Variants in MKI67 observed in about 807,000 individuals in gnomAD.
MKI67 encodes marker of proliferation Ki-67, also known as proliferation marker protein Ki-67.
MKI67 carries 152 observed loss-of-function variants against 233.5 expected under a neutral mutation model. The observed-to-expected ratio is 0.65, with a 90% confidence interval of 0.57 to 0.74. MKI67 has a LOEUF of 0.74. Among genes scored for constraint, MKI67 ranks in the 30% least tolerant of loss-of-function variants. The pLI is 0.00. For synonymous variants in MKI67, 1,465 were observed against 1,418.5 expected, an observed-to-expected ratio of 1.03 and a Z score of -0.74; for missense variants, 3,940 against 3,885.2, an observed-to-expected ratio of 1.01 and a Z score of -0.37.
intron 13 of MKI67, 69 bp downstream of exon 13, chr10:128,102,510 C>T (rs183460381): frequency 1.3e-6 from 2 of 1,546,714 alleles, no homozygotes; most frequent in Admixed American, 1.8e-5. Context: ...AGGTTACATG[C>T]AAAGTATAAC....
rs1852424316 is a variant in MKI67 at position 128,104,442 on chromosome 10, A to G, written c.7398T>C (p.Ser2466=). 2 of 1,613,624 alleles carry G rather than the reference A, an allele frequency of 1.2e-6. No individual in the cohort carries two copies. Among genetic ancestry groups the G allele is most frequent in the Non-Finnish European group, 1.7e-6 (2 of 1,179,950 alleles). ...DDKITEVSCK[S]PQPESFKTSR... is the part of the protein sequence containing the mutation. ...AGGTTTTGAATGACTCTGGCTGTGG[A>G]GATTTACAGGATACTTCTGTGATTT... Residue 2466 remains serine, a synonymous_variant, in exon 13 of 15, where the codon TCT becomes TCC. Coordinates refer to ENST00000368654, the MANE Select transcript of MKI67 (RefSeq NM_002417.5).
chr10:128,100,881 T>C (rs1237721697), intron 14 of MKI67, among the ~76,000 whole-genome samples: 1 of 152,226 alleles, frequency 6.6e-6, no homozygotes, highest in Non-Finnish European at 1.5e-5. Context: ...CAATAGTTTT[T>C]TTTGGAAAAA....
chr10:128,101,224 G>C (rs1373432906), intron 14 of MKI67, 34 bp downstream of exon 14: 1 of 1,584,840 alleles, frequency 6.3e-7, no homozygotes, highest in African/African-American at 1.4e-5. Context: ...AACATTCTGT[G>C]TCTTTTAAAA....
rs1234609295 is a variant in MKI67, at chr10:128,125,661, G to C, written c.7C>G (p.Pro3Ala). 6.2e-7 allele frequency: 1 copy of C among 1,613,752 alleles called. No homozygotes were observed. Among genetic ancestry groups the C allele is most frequent in the Admixed American group, 1.7e-5 (1 of 60,016 alleles). Residue 3 changes from proline to alanine, a missense_variant, in exon 2 of 15, where the codon CCC becomes GCC. Transcript: ENST00000368654. The surrounding 1 kb of genome is among the most constrained non-coding windows in gnomAD (Gnocchi z 5.3). ...TTGATAGTAACCAGGCGTCTCGTGG[G>C]CCACATTTTCTAAACAGTAAGTTGA... is the stretch of plus-strand genomic sequence containing the variant. MW[P>A]TRRLVTIKRS...
Position 128,103,198 on chromosome 10 carries a change from C to G in MKI67, c.8642G>C (p.Gly2881Ala), listed in dbSNP as rs772615802. The part of the protein sequence containing the change: ...TDKEPVGEGK[G>A]TKAFKQPAKR... ...TGCAGGTTGCTTAAATGCTTTCGTG[C>G]CTTTGCCCTCACCTACCGGCTCTTT... Residue 2881 changes from glycine (G) to alanine (A), a missense_variant, in exon 13 of 15, where the codon GGC becomes GCC. Gly to Ala is a moderately conservative substitution (Grantham distance 60, BLOSUM62 0). Transcript: ENST00000368654. 1.5e-5 allele frequency: 24 copies of G among 1,613,450 alleles called. No individual in the cohort carries two copies. The South Asian group carries it at 2.6e-4, about 18-fold the overall frequency.
chr10:128,106,894 A>G lies in MKI67; in HGVS notation c.4946T>C (p.Val1649Ala). ...KVGVKEELLA[V>A]GKLTQTSGET... ...TCCTGATGTCTGTGTGAGCTTGCCA[A>G]CTGCTAGGAGCTCTTCTTTCACGCC... The change falls in exon 13 of 15, where the codon GTT becomes GCT. Residue 1649 changes from valine (V) to alanine (A), a missense_variant. Physicochemically the swap from Val to Ala is moderately conservative, Grantham distance 64. Transcript: ENST00000368654. The G allele has an allele frequency of 3.7e-6, 6 of 1,614,016 alleles. No individual in the cohort carries two copies. The highest frequency in any genetic ancestry group is 5.1e-6 in the Non-Finnish European group (6 of 1,180,002).
chr10:128,125,815 A>G lies in MKI67; in HGVS notation c.-89-59T>C. Reference sequence around the variant, plus strand: ...AGGAGCTAAGAAGGGCCCCGTGCCCAATTCACCTATCCCCGGCCACAGAAG... The same window carrying G: ...AGGAGCTAAGAAGGGCCCCGTGCCCGATTCACCTATCCCCGGCCACAGAAG... On this transcript the variant is annotated intron_variant, in intron 1 of 14. Coordinates refer to ENST00000368654, the MANE Select transcript of MKI67 (RefSeq NM_002417.5). This position sits in a 1 kb window ranked among gnomAD's most constrained non-coding sequence, Gnocchi z 5.3. The G allele has an allele frequency of 1.4e-6, 1 of 714,062 alleles. No homozygotes were observed. The highest frequency in any genetic ancestry group is 2.5e-6 in the Non-Finnish European group (1 of 404,568). The allele number at this position is 714,062 out of a possible 1,614,324, so 44.2% of individuals were successfully genotyped here. A position where few individuals can be genotyped will look rare whatever the true frequency, so the allele number is the denominator to read the frequency against.
Position 128,108,069 on chromosome 10 carries a change from G to C in MKI67, c.3771C>G (p.Asp1257Glu). 2 of 1,610,184 alleles carry C rather than the reference G, an allele frequency of 1.2e-6. No homozygotes were observed. The change falls in exon 13 of 15, where the codon GAC (aspartate) becomes GAG (glutamate). Residue 1257 changes from aspartate to glutamate, a missense_variant. Transcript: ENST00000368654. ...TKIPCDSPQSDPVDTPTSTKQ... is the reference protein window; with the variant it reads ...TKIPCDSPQSEPVDTPTSTKQ... ...TTGTGCTTGTTGGGGTGTCCACTGG[G>C]TCTGACTGTGGAGAGTCGCAGGGTA...
In MKI67 at chr10:128,107,846, G is replaced by A. The variant is rs144991197; in HGVS notation, c.3994C>T (p.Arg1332Trp). The change falls in exon 13 of 15, where the codon CGG becomes TGG. Residue 1332 changes from arginine to tryptophan, a missense_variant. Physicochemically the swap from Arg to Trp is moderately radical, Grantham distance 101 (BLOSUM62 -3). Transcript: ENST00000368654. ...LTENLTGSKR[R>W]PQTPKEEAQA... ...GCCTCTTCCTTAGGAGTTTGTGGCC[G>A]TCTCTTGCTGCCGGTTAAGTTCTCT... The A allele has an allele frequency of 1.8e-4, 284 of 1,613,430 alleles. No homozygotes were observed. Among genetic ancestry groups the A allele is most frequent in the Non-Finnish European group, 2.2e-4 (260 of 1,179,886 alleles).
Position 128,101,304 on chromosome 10 carries a change from T to A in MKI67, c.9659A>T (p.Gln3220Leu). The change falls in exon 14 of 15, where the codon CAG (glutamine) becomes CTG (leucine). Residue 3220 changes from glutamine to leucine, a missense_variant. By Grantham distance (113) the Gln-to-Leu change is moderately radical. Transcript: ENST00000368654. The part of the protein sequence containing the change: ...AASTLESKSV[Q>L]RVTRSVKRCA... ...CCTCTTGACACTCCGCGTTACTCTC[T>A]GCACAGATTTGCTCTCCAAAGTGCT... 6.2e-7 allele frequency: 1 copy of A among 1,614,272 alleles called. No homozygotes were observed. The highest frequency in any genetic ancestry group is 1.1e-5 in the South Asian group (1 of 91,090).
chr10:128,109,404 A>G lies in MKI67; in HGVS notation c.2436T>C (p.Ser812=). The G allele has an allele frequency of 6.2e-7, 1 of 1,607,852 alleles. No individual in the cohort carries two copies. Among genetic ancestry groups the G allele is most frequent in the Non-Finnish European group, 8.5e-7 (1 of 1,176,532 alleles). The stretch of plus-strand genomic sequence containing the variant: ...ATGGCTGTTTTGCTGCATTCTGTGC[A>G]CTGAAGAACACATTTCCTCCTGAAA... ...SESFGGNVFF[S]AQNAAKQPSD... is the part of the protein sequence containing the mutation. The change falls in exon 13 of 15, where the codon AGT becomes AGC. Residue 812 remains serine, a synonymous_variant. Transcript: ENST00000368654.
In MKI67 at chr10:128,111,938, C is replaced by T. The variant is rs756857329; in HGVS notation, c.2077G>A (p.Ala693Thr). 1 of 1,610,970 alleles carries T rather than the reference C, an allele frequency of 6.2e-7. No homozygotes were observed. Among genetic ancestry groups the T allele is most frequent in the African/African-American group, 1.3e-5 (1 of 74,686 alleles). The change falls in exon 10 of 15, where the codon GCT becomes ACT. Residue 693 changes from alanine (A) to threonine (T), a missense_variant. By Grantham distance (58) the Ala-to-Thr change is moderately conservative. Coordinates refer to ENST00000368654, the MANE Select transcript of MKI67 (RefSeq NM_002417.5). ...RSMNKRQRRPATPKKPVGEVH... is the reference protein window; with the variant it reads ...RSMNKRQRRPTTPKKPVGEVH... ...AGTGAGGCCCCTACCTTTGGAGTAG[C>T]AGGTCTTCTTTGCCTTTTGTTCATT...
At chr10:128,116,461 A>T (rs1030606803) in intron 6 of MKI67, 30 bp downstream of exon 6, 7 of 1,604,498 alleles carry the variant, frequency 4.4e-6, no homozygotes, top group African/African-American at 1.3e-5. Context: ...ATCTTTCAGG[A>T]TTCTGGAACA....
rs373123299 is a variant in MKI67 at position 128,111,692 on chromosome 10, T to A, written c.2213A>T (p.Asn738Ile). The A allele has an allele frequency of 1.9e-6, 3 of 1,613,974 alleles. No individual in the cohort carries two copies. The highest frequency in any genetic ancestry group is 2.7e-5 in the African/African-American group (2 of 74,928). The change falls in exon 11 of 15, where the codon AAC becomes ATC. Residue 738 changes from asparagine (N) to isoleucine (I), a missense_variant. Physicochemically the swap from Asn to Ile is moderately radical, Grantham distance 149 (BLOSUM62 -3). Coordinates refer to ENST00000368654, the MANE Select transcript of MKI67 (RefSeq NM_002417.5). ...CATTTTTTGGTTGGAAATGAAGTTGTTGAGCACTCTGTAGGGTCGAGCAGG... is the reference window on the plus strand; with the variant it reads ...CATTTTTTGGTTGGAAATGAAGTTGATGAGCACTCTGTAGGGTCGAGCAGG... ...HVPARPYRVL[N>I]NFISNQKMDF...
Position 128,103,761 on chromosome 10 carries a change from C to T in MKI67, c.8079G>A (p.Gln2693=). Residue 2693 remains glutamine (Q), a synonymous_variant, in exon 13 of 15, where the codon CAG becomes CAA. Coordinates refer to ENST00000368654, the MANE Select transcript of MKI67 (RefSeq NM_002417.5). ...TGGCTTTGCCAGCAGTCAGTGATTC[C>T]TGAGTGTGACCTGATGTTTCAGAGA... ...TELSETSGHT[Q]ESLTAGKATK... The T allele has an allele frequency of 6.2e-7, 1 of 1,613,414 alleles. No homozygotes were observed. Among genetic ancestry groups the T allele is most frequent in the Non-Finnish European group, 8.5e-7 (1 of 1,179,914 alleles).
intron 5 of MKI67, among the ~76,000 whole-genome samples, chr10:128,118,298 A>G (rs1852848692): frequency 6.6e-6 from 1 of 150,604 alleles, no homozygotes; most frequent in African/African-American, 2.4e-5. Flanking sequence ...CGGGAGGCTG[A>G]GGCAGGAGAA....
chr10:128,107,742 G>C lies in MKI67; in HGVS notation c.4098C>G (p.Gly1366=). The change falls in exon 13 of 15, where the codon GGC becomes GGG. Residue 1366 remains glycine (G), a synonymous_variant. Coordinates refer to ENST00000368654, the MANE Select transcript of MKI67 (RefSeq NM_002417.5). ...PGHTEEAVAA[G]KTTKMPCESS... is the part of the protein sequence containing the mutation. ...ATTCGCAGGGCATTTTAGTAGTTTT[G>C]CCAGCAGCCACTGCTTCTTCAGTAT... 6.2e-7 allele frequency: 1 copy of C among 1,613,354 alleles called. No individual in the cohort carries two copies. Among genetic ancestry groups the C allele is most frequent in the Non-Finnish European group, 8.5e-7 (1 of 1,179,872 alleles).
Position 128,104,815 on chromosome 10 carries a change from C to T in MKI67, c.7025G>A (p.Cys2342Tyr). The T allele has an allele frequency of 6.2e-7, 1 of 1,612,944 alleles. No individual in the cohort carries two copies. The stretch of plus-strand genomic sequence containing the variant: ...CACTGGGTCTGGTTGTGGAGATTTG[C>T]AGGCTATTTTGGTAGTTTTCTCATC... Reference protein sequence around the residue: ...TTDEKTTKIACKSPQPDPVDT... With the variant: ...TTDEKTTKIAYKSPQPDPVDT... Residue 2342 changes from cysteine (C) to tyrosine (Y), a missense_variant, in exon 13 of 15, where the codon TGC (cysteine) becomes TAC (tyrosine). Transcript: ENST00000368654.
Position 128,104,834 on chromosome 10 carries a change from T to A in MKI67, c.7006A>T (p.Lys2336Ter). ...GATTTGCAGGCTATTTTGGTAGTTT[T>A]CTCATCAGTCGTGGGCTTGTCAGTG... is the stretch of plus-strand genomic sequence containing the variant. Reference protein sequence around the residue: ...PGTDKPTTDEKTTKIACKSPQ... With the variant: ...PGTDKPTTDE Residue 2336 changes from lysine (K) to a stop codon, truncating the protein, a stop_gained, in exon 13 of 15, where the codon AAA (lysine) becomes TAA (stop). Transcript: ENST00000368654. LOFTEE classifies it high-confidence loss of function. 6.2e-7 allele frequency: 1 copy of A among 1,612,686 alleles called. No homozygotes were observed. Among genetic ancestry groups the A allele is most frequent in the Non-Finnish European group, 8.5e-7 (1 of 1,179,746 alleles).
Sources: gnomAD v4.1 joint callset for allele counts (sites outside exome capture counted in the v4.1 genomes callset) on GRCh38, gnomAD v4.1.1 for gene constraint, Gnocchi (gnomAD v3.1) non-coding constraint, MANE v1.5 for transcripts, NCBI Gene and HGNC (gene_info 2026-07-23, HGNC 2026-07-21) for gene names.